The following PTCH1 variants were observed in gnomAD, a reference collection of about 807,000 sequenced individuals.
The protein encoded by PTCH1 is patched 1.
In PTCH1, 14 loss-of-function variants were observed where a neutral mutation model predicts 144.6. The ratio of observed to expected loss-of-function variants is 0.10; its 90% CI spans 0.06 to 0.15. The LOEUF is 0.15. PTCH1 is among the 10% of genes least tolerant of loss of function. The probability of loss-of-function intolerance (pLI) is 1.00; values close to 1 mark genes in which losing one functional copy is unlikely to be tolerated. For synonymous variants in PTCH1, 833 were observed against 793.6 expected (o/e 1.05, Z -0.83); for missense variants, 1,623 against 1,948.3 (o/e 0.83, Z 3.14).
At chr9:95,455,336 G>A (rs998783735) in intron 19 of PTCH1, among the ~76,000 whole-genome samples, 2 of 152,220 alleles carry the variant, frequency 1.3e-5, no homozygotes, top group African/African-American at 4.8e-5. Flanking sequence ...GAGCCCAAAG[G>A]AAACCTGTGC....
intron 17 of PTCH1, among the ~76,000 whole-genome samples, chr9:95,459,040 A>G (rs1307161872): frequency 2.0e-5 from 3 of 152,136 alleles, no homozygotes; most frequent in African/African-American, 4.8e-5. Flanking sequence ...TACGCTACTA[A>G]TATCTCCACC....
chr9:95,502,445 A>C (rs534787524), intron 2 of PTCH1, among the ~76,000 whole-genome samples: 1 of 152,278 alleles, frequency 6.6e-6, no homozygotes, highest in East Asian at 1.9e-4. Context: ...ATTTTTATAC[A>C]ATGACAATTA....
At chr9:95,492,089 G>A (rs1842444715) in intron 2 of PTCH1, among the ~76,000 whole-genome samples, 1 of 152,054 alleles carries the variant, frequency 6.6e-6, no homozygotes, top group Non-Finnish European at 1.5e-5. Context: ...ATGTCTCCTC[G>A]CCCCTACACA....
In PTCH1 at chr9:95,458,480, C is replaced by G. The variant is rs945289203; in HGVS notation, c.2888-187G>C. On this transcript the variant is annotated intron_variant, in intron 17 of 23. Coordinates refer to ENST00000331920, the MANE Select transcript of PTCH1 (RefSeq NM_000264.5). This position sits in a 1 kb window ranked among gnomAD's most constrained non-coding sequence, Gnocchi z 4.7. ...TCCCATTTGGTTTAAAAATGTTTAA[C>G]TCTGTGATGTGTGTATTTTTTAAGA... 6.6e-6 allele frequency among the ~76,000 whole-genome samples: 1 copy of G among 152,236 alleles called. No individual in the cohort carries two copies. The highest frequency in any genetic ancestry group is 2.4e-5 in the African/African-American group (1 of 41,468).
At chr9:95,506,705 C>A (rs1383484413) in intron 1 of PTCH1, 106 bp from the exon 2 acceptor site, 2 of 1,152,592 alleles carry the variant, frequency 1.7e-6, no homozygotes, top group Admixed American at 4.3e-5. Context: ...GCCGTGGGGG[C>A]GCGGGTGGCC....
rs1841048389 is a variant in PTCH1, at chr9:95,476,509, A to G, written c.1602+250T>C. On this transcript the variant is annotated intron_variant, in intron 11 of 23. Transcript: ENST00000331920. The surrounding 1 kb of genome is among the most constrained non-coding windows in gnomAD (Gnocchi z 4.6). Reference sequence around the variant, plus strand: ...CTGGGAATGTATGGCAGTTAGGGATAAAGTGTCACATTAAAACAAACACCC... The same window carrying G: ...CTGGGAATGTATGGCAGTTAGGGATGAAGTGTCACATTAAAACAAACACCC... Among the ~76,000 whole-genome samples, 2 of 152,194 alleles carry G rather than the reference A, an allele frequency of 1.3e-5. No homozygotes were observed. The highest frequency in any genetic ancestry group is 2.9e-5 in the Non-Finnish European group (2 of 68,036).
At chr9:95,506,274 A>T in intron 2 of PTCH1, 133 bp downstream of exon 2, 1 of 1,098,636 alleles carries the variant, frequency 9.1e-7, no homozygotes, top group Non-Finnish European at 1.3e-6. Flanking sequence ...CCCAAACAAT[A>T]AACAATCCCC....
Position 95,458,256 on chromosome 9 carries a change from A to C in PTCH1, c.2925T>G (p.Pro975=). 7 of 1,614,114 alleles carry C rather than the reference A, an allele frequency of 4.3e-6. No homozygotes were observed. Among genetic ancestry groups the C allele is most frequent in the Non-Finnish European group, 5.9e-6 (7 of 1,180,044 alleles). Residue 975 remains proline, a synonymous_variant, in exon 18 of 24, where the codon CCT becomes CCG. Transcript: ENST00000331920. This position sits in a 1 kb window ranked among gnomAD's most constrained non-coding sequence, Gnocchi z 4.7. ...AAEPIEYAQF[P]FYLNGLRDTS... ...TGTCCCGCAAGCCGTTGAGGTAGAA[A>C]GGGAACTGGGCATACTCGATGGGCT... is the stretch of plus-strand genomic sequence containing the variant.
At chr9:95,460,865 T>G (rs1422921354) in intron 16 of PTCH1, among the ~76,000 whole-genome samples, 1 of 152,206 alleles carries the variant, frequency 6.6e-6, no homozygotes, top group Non-Finnish European at 1.5e-5. Context: ...TGAGGCAGAC[T>G]CCTCTGCCTG....
At chr9:95,504,224 G>A (rs1041982526) in intron 2 of PTCH1, among the ~76,000 whole-genome samples, 1 of 152,186 alleles carries the variant, frequency 6.6e-6, no homozygotes, top group South Asian at 2.1e-4. Flanking sequence ...AGTAAGCAAA[G>A]TGAGTGTGCC....
At chr9:95,468,606 C>A in intron 14 of PTCH1, 145 bp downstream of exon 14, 1 of 1,109,730 alleles carries the variant, frequency 9.0e-7, no homozygotes, top group Non-Finnish European at 1.3e-6. Flanking sequence ...AAAGCATTGA[C>A]TTTTGGAGGA....
At chr9:95,505,891 G>A (rs1297038440) in intron 2 of PTCH1, among the ~76,000 whole-genome samples, 1 of 146,708 alleles carries the variant, frequency 6.8e-6, no homozygotes, top group African/African-American at 2.5e-5. Context: ...GCCCGCCCCC[G>A]GCCCTCCCCA....
At position 95,494,158 on chromosome 9, in the gene PTCH1, T is replaced by C. The variant is rs73527718; in HGVS notation, c.395-8284A>G. On this transcript the variant is annotated intron_variant, in intron 2 of 23. Coordinates refer to ENST00000331920, the MANE Select transcript of PTCH1 (RefSeq NM_000264.5). ...CTCGCGCGGGGTTCTGCAACGCGCA[T>C]GCGCCGGAAGCAAGCTTCCCCGCCC... 1.5e-4 allele frequency: 147 copies of C among 973,074 alleles called. 1 individual carries two copies. The South Asian group carries it at 3.7e-3, about 24-fold the overall frequency. 60.3% of individuals were successfully genotyped at this position (973,074 alleles called of 1,614,324 possible). A position where few individuals can be genotyped will look rare whatever the true frequency, so the allele number is the denominator to read the frequency against.
In PTCH1 at chr9:95,476,711, A is replaced by G. The variant is rs371112933; in HGVS notation, c.1602+48T>C. ...TTAAAGGACAAATACTTAGGAACAG[A>G]GGAAGCTGTGATGTCCCCAAAGCTC... On this transcript the variant is annotated intron_variant, in intron 11 of 23. Coordinates refer to ENST00000331920, the MANE Select transcript of PTCH1 (RefSeq NM_000264.5). This position sits in a 1 kb window ranked among gnomAD's most constrained non-coding sequence, Gnocchi z 4.6. The G allele has an allele frequency of 4.2e-5, 65 of 1,535,994 alleles. No homozygotes were observed. The Middle Eastern group carries it at 6.7e-4, about 16-fold the overall frequency.
chr9:95,487,115 A>G (rs1379974493), intron 2 of PTCH1, among the ~76,000 whole-genome samples: 6 of 152,210 alleles, frequency 3.9e-5, no homozygotes, highest in Non-Finnish European at 8.8e-5. Flanking sequence ...TTCTCTTGGC[A>G]TATTTTATAA....
intron 7 of PTCH1, 166 bp downstream of exon 7, chr9:95,479,803 T>C: frequency 9.1e-7 from 1 of 1,101,518 alleles, no homozygotes; most frequent in Non-Finnish European, 1.3e-6. Context: ...TTTTTCAAGC[T>C]GTTGCAGTCT....
rs1348434986 is a variant in PTCH1 at position 95,445,046 on chromosome 9, G to A, written c.*1347C>T. 6.6e-6 allele frequency: 1 copy of A among 152,146 alleles called. No individual in the cohort carries two copies. The highest frequency in any genetic ancestry group is 1.5e-5 in the Non-Finnish European group (1 of 68,044). The allele number at this position is 152,146 out of a possible 1,614,324, so 9.4% of individuals were successfully genotyped here. On this transcript the variant is annotated 3_prime_UTR_variant, in exon 24 of 24. Transcript: ENST00000331920. ...TTAGGAAGCACGTACCCTAAACACT[G>A]GTGCATGAAGAATCCCCCCGGAGCT...
chr9:95,493,683 T>C (rs1842589802), intron 2 of PTCH1, among the ~76,000 whole-genome samples: 1 of 152,210 alleles, frequency 6.6e-6, no homozygotes, highest in East Asian at 1.9e-4. Context: ...TTTCTTTTAG[T>C]TGCTCAGGTC....
chr9:95,506,293 G>A (rs1843626474), intron 2 of PTCH1, 114 bp downstream of exon 2: 1 of 1,243,020 alleles, frequency 8.0e-7, no homozygotes, highest in Admixed American at 2.3e-5. Flanking sequence ...CCCGGGTGCG[G>A]GCAGGGGGTT....
Sources: gnomAD v4.1 joint callset for allele counts (sites outside exome capture counted in the v4.1 genomes callset) on GRCh38, gnomAD v4.1.1 for gene constraint, Gnocchi (gnomAD v3.1) non-coding constraint, MANE v1.5 for transcripts, NCBI Gene and HGNC (gene_info 2026-07-23, HGNC 2026-07-21) for gene names.